POMZP3: variants seen among roughly 807,000 people sequenced by gnomAD.
POMZP3 encodes the protein POM121 and ZP3 fusion, also known as POM121 and ZP3 fusion protein.
In POMZP3, 10 loss-of-function variants were observed where a neutral mutation model predicts 19.8. The ratio of observed to expected loss-of-function variants is 0.51; its 90% CI spans 0.31 to 0.86. The LOEUF is 0.86. POMZP3 is among the 40% of genes least tolerant of loss of function. POMZP3 has a pLI of 0.04. For missense variants in POMZP3, 152 were observed against 228.1 expected (o/e 0.67, Z 2.15); for synonymous variants, 57 against 85.8 (o/e 0.66, Z 1.85).
At chr7:76,620,861 ATTT>A (rs56084078) in intron 3 of POMZP3, among the ~76,000 whole-genome samples, 193 of 76,136 alleles carry the variant, frequency 2.5e-3, no homozygotes, top group African/African-American at 9.2e-3. Context: ...CTGTAAAGCC[ATTT>A]TTTTTTTTTT....
chr7:76,611,339 G>A, intron 6 of POMZP3, 115 bp downstream of exon 6: 2 of 1,155,314 alleles, frequency 1.7e-6, no homozygotes, highest in East Asian at 2.5e-5. Context: ...TGCAGGCCTA[G>A]GTACAAACAG....
In POMZP3 at chr7:76,616,001, C is replaced by G. The variant is rs1452337034; in HGVS notation, c.345+2182G>C. Among the ~76,000 whole-genome samples the G allele has an allele frequency of 2.7e-4, 13 of 48,022 alleles. 1 individual carries two copies. The highest frequency in any genetic ancestry group is 1.6e-3 in the African/African-American group (11 of 6,944). The allele number at this position is 48,022 out of a possible 152,430, so 31.5% of individuals were successfully genotyped here. A position where few individuals can be genotyped will look rare whatever the true frequency, so the allele number is the denominator to read the frequency against. ...AAAAAAAAAAAAAAGGGGGGGGGGG[C>G]AGGTGGCACGTGGTGGTTCATGCCT... On this transcript the variant is annotated intron_variant, in intron 4 of 6. Transcript: ENST00000310842.
intron 1 of POMZP3, chr7:76,626,450 A>G: frequency 1.7e-6 from 1 of 604,346 alleles, no homozygotes; most frequent in Non-Finnish European, 2.9e-6. Context: ...GGGAAAATCT[A>G]AATCTAGACT....
intron 4 of POMZP3, among the ~76,000 whole-genome samples, chr7:76,613,456 C>A (rs1031597812): frequency 7.8e-6 from 1 of 128,534 alleles, no homozygotes. Context: ...GCTGAAGGAC[C>A]CCCCCCACCC....
chr7:76,626,591 G>C (rs550597655), intron 1 of POMZP3, 117 bp downstream of exon 1: 2 of 1,016,588 alleles, frequency 2.0e-6, no homozygotes, highest in Non-Finnish European at 2.7e-6. Context: ...GTGTTAAGGA[G>C]GGCAAAACCA....
chr7:76,626,041 CAG>C lies in POMZP3; in HGVS notation c.22_23del (p.Leu8GlufsTer6), dbSNP rs773311911. On this transcript the variant is annotated frameshift_variant, in exon 2 of 7. Transcript: ENST00000310842. LOFTEE classifies it high-confidence loss of function. ...ATCTTCTGTCAGGAGGGGCGATCCT[CAG>C]AGTCACTGGGCTACACACCATCCTG... MVCSPVTLRIAPPDRRFS... is the reference protein window; with the variant it reads MVCSPVTXRIAPPDRRFS... 1.3e-5 allele frequency: 21 copies of C among 1,613,672 alleles called. No individual in the cohort carries two copies. The highest frequency in any genetic ancestry group is 2.2e-5 in the East Asian group (1 of 44,882).
At chr7:76,621,479 TTG>T (rs1815557104) in intron 3 of POMZP3, 1 of 150,912 alleles carries the variant, frequency 6.6e-6, no homozygotes, top group Non-Finnish European at 1.5e-5. Context: ...ACTTCTACTA[TTG>T]TCAGAGGCGG....
At position 76,624,143 on chromosome 7, in the gene POMZP3, A is replaced by AAAT. The variant is rs796780847; in HGVS notation, c.227+1378_227+1379insATT. Among the ~76,000 whole-genome samples the AAAT allele has an allele frequency of 1.0e-4, 9 of 87,394 alleles. 1 individual carries two copies. Among genetic ancestry groups the AAAT allele is most frequent in the African/African-American group, 4.0e-4 (9 of 22,624 alleles). 57.3% of individuals were successfully genotyped at this position (87,394 alleles called of 152,430 possible). A position where few individuals can be genotyped will look rare whatever the true frequency, so the allele number is the denominator to read the frequency against. On this transcript the variant is annotated intron_variant, in intron 3 of 6. Transcript: ENST00000310842. ...CCTAAAGTAGATTGCTAATATAAAA[A>AAAT]AAGTATAGGACAAAATCAAAGATTT...
intron 4 of POMZP3, among the ~76,000 whole-genome samples, chr7:76,612,831 TTC>T (rs1357205644): frequency 1.3e-5 from 1 of 76,702 alleles, no homozygotes; most frequent in East Asian, 3.4e-4. Flanking sequence ...ACCAAGTTGT[TTC>T]TGGGACCTGA....
chr7:76,624,352 C>A (rs565130637), intron 3 of POMZP3, among the ~76,000 whole-genome samples: 11 of 151,744 alleles, frequency 7.2e-5, no homozygotes, highest in African/African-American at 2.7e-4. Flanking sequence ...AGTTCGAGAC[C>A]AGCCTGCTCA....
chr7:76,627,242 G>T lies in POMZP3; in HGVS notation c.-686C>A, dbSNP rs1815961218. The stretch of plus-strand genomic sequence containing the variant: ...CTCGCCTGCTCCAGCCGCCGCAGCC[G>T]CCGGAGACATCGCGGCTCCGCGCCG... On this transcript the variant is annotated 5_prime_UTR_variant, in exon 1 of 7. Coordinates refer to ENST00000310842, the MANE Select transcript of POMZP3 (RefSeq NM_012230.5). 26 of 1,383,398 alleles carry T rather than the reference G, an allele frequency of 1.9e-5. No individual in the cohort carries two copies. Among genetic ancestry groups the T allele is most frequent in the Non-Finnish European group, 2.3e-5 (24 of 1,059,464 alleles). 85.7% of individuals were successfully genotyped at this position (1,383,398 alleles called of 1,614,324 possible). A position where few individuals can be genotyped will look rare whatever the true frequency, so the allele number is the denominator to read the frequency against.
At chr7:76,624,487 C>T (rs1815747197) in intron 3 of POMZP3, among the ~76,000 whole-genome samples, 1 of 151,832 alleles carries the variant, frequency 6.6e-6, no homozygotes, top group African/African-American at 2.4e-5. Context: ...GCTCTGTCAC[C>T]CAGGCTAGCA....
Position 76,627,250 on chromosome 7 carries a change from C to T in POMZP3, c.-694G>A. 2.9e-6 allele frequency: 4 copies of T among 1,371,636 alleles called. No individual in the cohort carries two copies. The highest frequency in any genetic ancestry group is 1.6e-5 in the South Asian group (1 of 62,390). 85.0% of individuals were successfully genotyped at this position (1,371,636 alleles called of 1,614,324 possible). On this transcript the variant is annotated 5_prime_UTR_variant, in exon 1 of 7. An upstream start codon of the reference 5' UTR is lost. Coordinates refer to ENST00000310842, the MANE Select transcript of POMZP3 (RefSeq NM_012230.5). Reference sequence around the variant, plus strand: ...CTCCAGCCGCCGCAGCCGCCGGAGACATCGCGGCTCCGCGCCGCGGAGGAG... The same window carrying T: ...CTCCAGCCGCCGCAGCCGCCGGAGATATCGCGGCTCCGCGCCGCGGAGGAG...
intron 6 of POMZP3, among the ~76,000 whole-genome samples, chr7:76,610,487 A>G (rs1482069822): frequency 2.6e-5 from 4 of 151,738 alleles, no homozygotes; most frequent in African/African-American, 4.8e-5. Context: ...ACCCGTCTCT[A>G]CTGAAAATAA....
Position 76,611,761 on chromosome 7 carries a change from T to A in POMZP3, c.398A>T (p.Glu133Val). 6.4e-7 allele frequency: 1 copy of A among 1,567,610 alleles called. No homozygotes were observed. Among genetic ancestry groups the A allele is most frequent in the East Asian group, 2.2e-5 (1 of 44,776 alleles). The change falls in exon 5 of 7, where the codon GAA (glutamate) becomes GTA (valine). Residue 133 changes from glutamate to valine, a missense_variant. By Grantham distance (121) the Glu-to-Val change is moderately radical. Coordinates refer to ENST00000310842, the MANE Select transcript of POMZP3 (RefSeq NM_012230.5). ...GCTGAAGGAACAGGCCTTGTTGAGTTCATCTGGGTCCTGCTCAGCTAGGGT... is the reference window on the plus strand; with the variant it reads ...GCTGAAGGAACAGGCCTTGTTGAGTACATCTGGGTCCTGCTCAGCTAGGGT... The part of the protein sequence containing the change: ...KVTLAEQDPD[E>V]LNKACSFSKP...
intron 2 of POMZP3, 90 bp from the exon 3 acceptor site, chr7:76,625,773 A>C: frequency 6.8e-7 from 1 of 1,469,042 alleles, no homozygotes; most frequent in Non-Finnish European, 9.3e-7. Context: ...AACAAGCCAA[A>C]GTATAATTTA....
At chr7:76,624,068 T>G (rs905515342) in intron 3 of POMZP3, among the ~76,000 whole-genome samples, 3 of 117,114 alleles carry the variant, frequency 2.6e-5, no homozygotes, top group Non-Finnish European at 3.7e-5. Context: ...TTATTTTGCA[T>G]GAGAGAGGAC....
chr7:76,610,223 A>G lies in POMZP3; in HGVS notation c.*12-8T>C, dbSNP rs1476401202. The G allele has an allele frequency of 6.2e-7, 1 of 1,613,816 alleles. No individual in the cohort carries two copies. Among genetic ancestry groups the G allele is most frequent in the South Asian group, 1.1e-5 (1 of 91,072 alleles). The stretch of plus-strand genomic sequence containing the variant: ...CATCTGCTTCTTCTGTCACTGTGAA[A>G]GGAGAACACACAACCAAGGGTCATC... On this transcript the variant is annotated splice_region_variant and splice_polypyrimidine_tract_variant and intron_variant, in intron 6 of 6. Transcript: ENST00000310842.
chr7:76,622,964 T>C (rs1815653439), intron 3 of POMZP3, among the ~76,000 whole-genome samples: 1 of 151,872 alleles, frequency 6.6e-6, no homozygotes, highest in South Asian at 2.1e-4. Context: ...CTCCAACTCC[T>C]GGGCTCAAGT....
Sources: allele counts gnomAD v4.1 joint callset (sites outside exome capture counted in the v4.1 genomes callset), GRCh38; gene constraint gnomAD v4.1.1; transcripts MANE v1.5; gene names NCBI Gene and HGNC (gene_info 2026-07-23, HGNC 2026-07-21).